The following GRIN2A variants were observed in gnomAD, a reference collection of about 807,000 sequenced individuals.
GRIN2A encodes the protein glutamate receptor ionotropic, NMDA 2A.
GRIN2A carries 22 observed loss-of-function variants against 113.4 expected under a neutral mutation model. That is an observed-to-expected ratio of 0.19 (90% CI 0.14 to 0.28). GRIN2A has a LOEUF of 0.28. Among genes scored for constraint, GRIN2A ranks in the 10% least tolerant of loss-of-function variants. The probability of loss-of-function intolerance (pLI) is 1.00; values close to 1 mark genes in which losing one functional copy is unlikely to be tolerated. For synonymous variants in GRIN2A, 827 were observed against 738.4 expected (o/e 1.12, Z -1.94); for missense variants, 1,502 against 1,887.0 (o/e 0.80, Z 3.78).
chr16:10,071,508 T>TA (rs2047750145), intron 2 of GRIN2A, among the ~76,000 whole-genome samples: 1 of 152,204 alleles, frequency 6.6e-6, no homozygotes, highest in East Asian at 1.9e-4. Flanking sequence ...AATAACACTG[T>TA]ATTGAGAAAA....
At chr16:10,116,253 A>C (rs2048726477) in intron 2 of GRIN2A, among the ~76,000 whole-genome samples, 1 of 152,232 alleles carries the variant, frequency 6.6e-6, no homozygotes, top group South Asian at 2.1e-4. Flanking sequence ...CTCACTCATA[A>C]GTGAGAGCTG....
chr16:10,030,177 G>T (rs1443647756), intron 2 of GRIN2A, among the ~76,000 whole-genome samples: 1 of 42,232 alleles, frequency 2.4e-5, no homozygotes, highest in Admixed American at 3.9e-4. Context: ...TCACGTTCTT[G>T]GGTGATTTTT....
rs948766551 is a variant in GRIN2A, at chr16:9,758,973, C to A, written c.*4176G>T. 9.0e-6 allele frequency: 2 copies of A among 222,554 alleles called. No individual in the cohort carries two copies. Among genetic ancestry groups the A allele is most frequent in the Admixed American group, 5.7e-5 (1 of 17,438 alleles). 13.8% of individuals were successfully genotyped at this position (222,554 alleles called of 1,614,324 possible). On this transcript the variant is annotated 3_prime_UTR_variant, in exon 13 of 13. Transcript: ENST00000330684. ...ATTTAGCTTCCACCTACTCAAACTT[C>A]TTTTTCTTTGAGTCCAATCATGTCT...
At position 10,068,460 on chromosome 16, in the gene GRIN2A, G is replaced by C. The variant is rs999254729; in HGVS notation, c.414+111538C>G. 2.6e-5 allele frequency among the ~76,000 whole-genome samples: 4 copies of C among 152,324 alleles called. No homozygotes were observed. In the South Asian group the frequency reaches 6.2e-4, roughly 24 times the overall value. The stretch of plus-strand genomic sequence containing the variant: ...CACATCACATGGCCAGAGCAGGAGA[G>C]AGTAAGTCTTGGGGGGAAGTGCTAT... On this transcript the variant is annotated intron_variant, in intron 2 of 12. Transcript: ENST00000330684.
chr16:10,147,886 A>G (rs528012890), intron 2 of GRIN2A, among the ~76,000 whole-genome samples: 1 of 152,176 alleles, frequency 6.6e-6, no homozygotes, highest in Admixed American at 6.5e-5. Context: ...TCCTCTACGA[A>G]CTCTGGTCAG....
intron 2 of GRIN2A, among the ~76,000 whole-genome samples, chr16:9,948,800 G>T (rs1000611931): frequency 6.6e-6 from 1 of 152,188 alleles, no homozygotes; most frequent in Non-Finnish European, 1.5e-5. Context: ...GGAAGCACCG[G>T]TCAGTCCTAT....
chr16:9,951,281 C>T (rs1249759230), intron 2 of GRIN2A, among the ~76,000 whole-genome samples: 1 of 152,236 alleles, frequency 6.6e-6, no homozygotes, highest in Non-Finnish European at 1.5e-5. Context: ...TCACTCCCCC[C>T]ACTGAAGCTA....
intron 3 of GRIN2A, among the ~76,000 whole-genome samples, chr16:9,901,366 G>A (rs1224026308): frequency 6.6e-6 from 1 of 152,090 alleles, no homozygotes; most frequent in Non-Finnish European, 1.5e-5. Context: ...GGAAAGGTCG[G>A]GGGTGATATG....
At chr16:10,169,277 G>A (rs1267336909) in intron 2 of GRIN2A, among the ~76,000 whole-genome samples, 1 of 152,152 alleles carries the variant, frequency 6.6e-6, no homozygotes, top group African/African-American at 2.4e-5. Flanking sequence ...TCGGAACTAA[G>A]TGCAATGCTA....
intron 4 of GRIN2A, among the ~76,000 whole-genome samples, chr16:9,862,559 A>G (rs1364063841): frequency 6.6e-6 from 1 of 152,232 alleles, no homozygotes; most frequent in African/African-American, 2.4e-5. Flanking sequence ...TTTGGAACAA[A>G]GAGCCATCAT....
intron 11 of GRIN2A, among the ~76,000 whole-genome samples, chr16:9,777,261 C>G (rs1402574486): frequency 1.3e-5 from 2 of 152,064 alleles, no homozygotes; most frequent in East Asian, 3.9e-4. Context: ...CCCAATAAAT[C>G]TGACAAATAA....
At chr16:10,082,838 G>T (rs919475645) in intron 2 of GRIN2A, among the ~76,000 whole-genome samples, 1 of 152,326 alleles carries the variant, frequency 6.6e-6, no homozygotes, top group East Asian at 1.9e-4. Context: ...TGTCAGTGCC[G>T]AGATGAGAAA....
At chr16:10,154,576 T>A (rs777046834) in intron 2 of GRIN2A, among the ~76,000 whole-genome samples, 7 of 152,136 alleles carry the variant, frequency 4.6e-5, no homozygotes, top group Admixed American at 1.3e-4. Context: ...TCAGTACATG[T>A]TTATGGAATG....
At chr16:10,154,307 T>C (rs1165955195) in intron 2 of GRIN2A, among the ~76,000 whole-genome samples, 1 of 152,188 alleles carries the variant, frequency 6.6e-6, no homozygotes, top group African/African-American at 2.4e-5. Context: ...GCCATTAAGA[T>C]ACAGGGGCTG....
intron 2 of GRIN2A, among the ~76,000 whole-genome samples, chr16:9,958,568 C>G (rs1324282920): frequency 6.6e-6 from 1 of 152,066 alleles, no homozygotes; most frequent in Non-Finnish European, 1.5e-5. Flanking sequence ...GATTCTGAAG[C>G]AAATAGTCTG....
intron 2 of GRIN2A, among the ~76,000 whole-genome samples, chr16:10,102,228 G>C (rs2048414063): frequency 6.6e-6 from 1 of 152,246 alleles, no homozygotes; most frequent in Non-Finnish European, 1.5e-5. Context: ...GATCATGGGG[G>C]CAGATCCCTC....
intron 2 of GRIN2A, among the ~76,000 whole-genome samples, chr16:10,117,615 T>C (rs557797013): frequency 6.6e-6 from 1 of 152,292 alleles, no homozygotes; most frequent in Non-Finnish European, 1.5e-5. Context: ...ATCCCCGAAC[T>C]GTTCACAGGG....
chr16:10,131,448 A>G (rs1446396896), intron 2 of GRIN2A, among the ~76,000 whole-genome samples: 2 of 150,178 alleles, frequency 1.3e-5, no homozygotes, highest in East Asian at 2.0e-4. Context: ...CTGCCGCTCC[A>G]GTCTCTTCTC....
At chr16:10,045,266 A>G (rs1321515354) in intron 2 of GRIN2A, among the ~76,000 whole-genome samples, 1 of 152,226 alleles carries the variant, frequency 6.6e-6, no homozygotes, top group Non-Finnish European at 1.5e-5. Flanking sequence ...ATTGTTAATA[A>G]CACAGATGGC....
Sources: gnomAD v4.1 joint callset for allele counts (sites outside exome capture counted in the v4.1 genomes callset) on GRCh38, gnomAD v4.1.1 for gene constraint, MANE v1.5 for transcripts, NCBI Gene and HGNC (gene_info 2026-07-23, HGNC 2026-07-21) for gene names.